Variants in MPPED2 observed in about 807,000 individuals in gnomAD.
The protein encoded by MPPED2 is metallophosphoesterase MPPED2.
MPPED2 carries 5 observed loss-of-function variants against 33.0 expected under a neutral mutation model. That is an observed-to-expected ratio of 0.15 (90% CI 0.08 to 0.32). The LOEUF (loss-of-function observed/expected upper bound fraction) is 0.32. Among genes scored for constraint, MPPED2 ranks in the 10% least tolerant of loss-of-function variants. The probability of loss-of-function intolerance (pLI) is 1.00; values close to 1 mark genes in which losing one functional copy is unlikely to be tolerated. For missense variants in MPPED2, 275 were observed against 372.1 expected, an observed-to-expected ratio of 0.74 and a Z score of 2.15; for synonymous variants, 136 against 141.9, an observed-to-expected ratio of 0.96 and a Z score of 0.29.
chr11:30,392,142 A>G (rs191735293), intron 6 of MPPED2, among the ~76,000 whole-genome samples: 16 of 152,328 alleles, frequency 1.1e-4, no homozygotes, highest in Admixed American at 9.1e-4. Flanking sequence ...CTTGAGTTCA[A>G]ATAACAAATT....
chr11:30,466,549 AATCTG>A (rs1950715402), intron 4 of MPPED2, among the ~76,000 whole-genome samples: 1 of 152,208 alleles, frequency 6.6e-6, no homozygotes, highest in Non-Finnish European at 1.5e-5. Context: ...GGCAGAGGTC[AATCTG>A]CCCTTTGATG....
chr11:30,561,984 T>A (rs1420601614), intron 2 of MPPED2, among the ~76,000 whole-genome samples: 2 of 152,160 alleles, frequency 1.3e-5, no homozygotes, highest in Non-Finnish European at 2.9e-5. Context: ...TCGACCATAG[T>A]CAGATCTGAA....
intron 3 of MPPED2, among the ~76,000 whole-genome samples, chr11:30,496,506 A>G (rs970913175): frequency 6.6e-6 from 1 of 152,164 alleles, no homozygotes; most frequent in Non-Finnish European, 1.5e-5. Flanking sequence ...GGAAAAAAAG[A>G]GTGGGACAAT....
intron 4 of MPPED2, among the ~76,000 whole-genome samples, chr11:30,437,497 G>C (rs1441418753): frequency 1.3e-5 from 2 of 152,170 alleles, no homozygotes; most frequent in Non-Finnish European, 2.9e-5. Context: ...CTGTTTCTAA[G>C]TAAGTCCTTT....
At chr11:30,550,693 A>G (rs950947628) in intron 2 of MPPED2, among the ~76,000 whole-genome samples, 2 of 152,150 alleles carry the variant, frequency 1.3e-5, no homozygotes, top group African/African-American at 4.8e-5. Context: ...TGTCCGGGAC[A>G]CTTTACTAAC....
rs147665851 is a variant in MPPED2 at position 30,512,361 on chromosome 11, C to T, written c.311-16840G>A. ...AGATAATGACATTAGGAAGCCATGGCACCTAATGTGTCTTGGCCCAGAAAC... is the reference window on the plus strand; with the variant it reads ...AGATAATGACATTAGGAAGCCATGGTACCTAATGTGTCTTGGCCCAGAAAC... On this transcript the variant is annotated intron_variant, in intron 3 of 6. Coordinates refer to ENST00000358117, the MANE Select transcript of MPPED2 (RefSeq NM_001584.3). Among the ~76,000 whole-genome samples, 42 of 152,276 alleles carry T rather than the reference C, an allele frequency of 2.8e-4. No individual in the cohort carries two copies. In the East Asian group the frequency reaches 8.1e-3, roughly 29 times the overall value.
intron 4 of MPPED2, among the ~76,000 whole-genome samples, chr11:30,459,309 CA>C (rs1261377933): frequency 6.6e-6 from 1 of 152,140 alleles, no homozygotes; most frequent in African/African-American, 2.4e-5. Flanking sequence ...TTTCTGTGCA[CA>C]ATGTTAGCAC....
chr11:30,492,686 A>G (rs1952035678), intron 4 of MPPED2, among the ~76,000 whole-genome samples: 1 of 129,522 alleles, frequency 7.7e-6, no homozygotes, highest in Non-Finnish European at 1.6e-5. Flanking sequence ...GTTCTCACAC[A>G]TTAAAAAAAT....
At chr11:30,483,151 A>C (rs770064212) in intron 4 of MPPED2, among the ~76,000 whole-genome samples, 4 of 152,204 alleles carry the variant, frequency 2.6e-5, no homozygotes, top group Non-Finnish European at 5.9e-5. Context: ...CAGACCCAGC[A>C]TTGTACACAC....
At chr11:30,584,010 A>T (rs552023152) in intron 1 of MPPED2, 1 of 152,200 alleles carries the variant, frequency 6.6e-6, no homozygotes, top group East Asian at 1.9e-4. Flanking sequence ...TGTATCTGGG[A>T]GCGATGCCCA....
At chr11:30,407,173 T>A (rs1022875397), downstream of MPPED2, among the ~76,000 whole-genome samples, 1 of 152,216 alleles carries the variant, frequency 6.6e-6, no homozygotes, top group Non-Finnish European at 1.5e-5. Flanking sequence ...AGAATAACAG[T>A]GACCTGTTTC....
intron 4 of MPPED2, among the ~76,000 whole-genome samples, chr11:30,492,139 G>C (rs964429984): frequency 1.3e-5 from 2 of 152,136 alleles, no homozygotes; most frequent in Non-Finnish European, 2.9e-5. Flanking sequence ...TATAAACTTT[G>C]TCTGCAGTTT....
intron 4 of MPPED2, among the ~76,000 whole-genome samples, chr11:30,482,430 A>C (rs1378562020): frequency 6.6e-6 from 1 of 152,182 alleles, no homozygotes; most frequent in Non-Finnish European, 1.5e-5. Flanking sequence ...TGGAATTGTG[A>C]AATCTTCATT....
At chr11:30,419,203 T>G (rs1258179765) in intron 4 of MPPED2, among the ~76,000 whole-genome samples, 1 of 152,218 alleles carries the variant, frequency 6.6e-6, no homozygotes, top group Non-Finnish European at 1.5e-5. Context: ...AGCAAACTCA[T>G]GAGGTGGGCA....
At chr11:30,523,557 G>T (rs965295133) in intron 3 of MPPED2, among the ~76,000 whole-genome samples, 1 of 151,242 alleles carries the variant, frequency 6.6e-6, no homozygotes, top group Non-Finnish European at 1.5e-5. Flanking sequence ...TCATCCTCAC[G>T]ACTCTGTGAC....
chr11:30,511,569 G>A (rs1321188531), intron 3 of MPPED2, among the ~76,000 whole-genome samples: 1 of 152,100 alleles, frequency 6.6e-6, no homozygotes, highest in Admixed American at 6.6e-5. Context: ...CCTTGATTAT[G>A]TACGGCACAA....
At chr11:30,385,156 C>G (rs1460655778) in exon 7 of MPPED2, 2 of 152,190 alleles carry the variant, frequency 1.3e-5, no homozygotes, top group South Asian at 2.1e-4. Context: ...TTAGGGAAAA[C>G]AGCCACAGAC....
intron 2 of MPPED2, among the ~76,000 whole-genome samples, chr11:30,545,186 G>A (rs1955345056): frequency 6.6e-6 from 1 of 152,126 alleles, no homozygotes; most frequent in Admixed American, 6.5e-5. Context: ...AGGGCCACAG[G>A]GAAAGCTGAA....
At chr11:30,518,912 CA>C (rs1953692803) in intron 3 of MPPED2, among the ~76,000 whole-genome samples, 1 of 152,096 alleles carries the variant, frequency 6.6e-6, no homozygotes, top group Non-Finnish European at 1.5e-5. Context: ...TTTTTATAGG[CA>C]AATTATTAGT....
Sources: gnomAD v4.1 joint callset for allele counts (sites outside exome capture counted in the v4.1 genomes callset) on GRCh38, gnomAD v4.1.1 for gene constraint, MANE v1.5 for transcripts, NCBI Gene and HGNC (gene_info 2026-07-23, HGNC 2026-07-21) for gene names.